MRPS14: variants seen among roughly 807,000 people sequenced by gnomAD.
The protein encoded by MRPS14 is small ribosomal subunit protein uS14m.
MRPS14 carries 14 observed loss-of-function variants against 16.4 expected under a neutral mutation model. The observed-to-expected ratio is 0.85, with a 90% CI of 0.56 to 1.33. MRPS14 has a LOEUF of 1.33. MRPS14 is among the 40% of genes most tolerant of loss of function. The pLI is 0.00. For synonymous variants in MRPS14, 54 were observed against 61.9 expected (o/e 0.87, Z 0.60); for missense variants, 162 against 176.8 (o/e 0.92, Z 0.48).
chr1:175,016,124 G>A (rs1672877999), intron 2 of MRPS14, among the ~76,000 whole-genome samples: 1 of 151,572 alleles, frequency 6.6e-6, no homozygotes, highest in Admixed American at 6.6e-5. Flanking sequence ...TTGAACCCAG[G>A]AGGCAGATGT....
Position 175,014,749 on chromosome 1 carries a change from G to A in MRPS14, c.307C>T (p.Arg103Cys), listed in dbSNP as rs1323041289. ...MTSRPRGVKR[R>C]WRLSRIVFRH... ...AAGACTATACGACTAAGCCTCCAGC[G>A]CCGCTTCACACCACGCGGACGGGAC... is the stretch of plus-strand genomic sequence containing the variant. The change falls in exon 3 of 3, where the codon CGC becomes TGC. Residue 103 changes from arginine (R) to cysteine (C), a missense_variant. By Grantham distance (180) the Arg-to-Cys change is radical. Coordinates refer to ENST00000476371, the MANE Select transcript of MRPS14 (RefSeq NM_022100.3). 5 of 1,614,086 alleles carry A rather than the reference G, an allele frequency of 3.1e-6. No individual in the cohort carries two copies. The highest frequency in any genetic ancestry group is 1.3e-5 in the African/African-American group (1 of 75,016).
intron 1 of MRPS14, among the ~76,000 whole-genome samples, chr1:175,020,627 G>A (rs1313472600): frequency 6.6e-6 from 1 of 152,116 alleles, no homozygotes; most frequent in Non-Finnish European, 1.5e-5. Context: ...TCCTGCCTCA[G>A]CCTCCCGAGT....
chr1:175,019,765 G>A (rs1476568236), intron 1 of MRPS14, among the ~76,000 whole-genome samples: 1 of 152,208 alleles, frequency 6.6e-6, no homozygotes, highest in East Asian at 1.9e-4. Flanking sequence ...GGCAAAGGGA[G>A]TATAGATCAC....
intron 2 of MRPS14, among the ~76,000 whole-genome samples, chr1:175,017,096 C>T (rs562267078): frequency 3.3e-5 from 5 of 152,138 alleles, no homozygotes; most frequent in African/African-American, 1.2e-4. Context: ...GCTCTGTCAC[C>T]TAGGCTGGAG....
Position 175,014,332 on chromosome 1 carries a change from T to TAAA in MRPS14, c.*336_*337insTTT. ...GGATTATGTATAAGATAGCATTTTATGAAATAATGCTCTTAATACAAAAAC... is the reference window on the plus strand; with the variant it reads ...GGATTATGTATAAGATAGCATTTTATAAAGAAATAATGCTCTTAATACAAAAAC... On this transcript the variant is annotated 3_prime_UTR_variant, in exon 3 of 3. Coordinates refer to ENST00000476371, the MANE Select transcript of MRPS14 (RefSeq NM_022100.3). 5.1e-6 allele frequency: 2 copies of TAAA among 392,702 alleles called. No homozygotes were observed. Among genetic ancestry groups the TAAA allele is most frequent in the Non-Finnish European group, 9.0e-6 (2 of 223,016 alleles). The allele number at this position is 392,702 out of a possible 1,614,324, so 24.3% of individuals were successfully genotyped here. A position where few individuals can be genotyped will look rare whatever the true frequency, so the allele number is the denominator to read the frequency against.
intron 1 of MRPS14, among the ~76,000 whole-genome samples, chr1:175,020,367 ACAAGAT>A (rs1177838028): frequency 2.0e-5 from 3 of 152,206 alleles, no homozygotes; most frequent in East Asian, 3.8e-4. Flanking sequence ...GATTTAGAAA[ACAAGAT>A]TAAGCATTTC....
intron 1 of MRPS14, among the ~76,000 whole-genome samples, chr1:175,020,050 T>G (rs910468705): frequency 6.6e-6 from 1 of 152,188 alleles, no homozygotes; most frequent in African/African-American, 2.4e-5. Flanking sequence ...GAAAAAAAGA[T>G]AAGCAGGAAT....
Position 175,023,411 on chromosome 1 carries a change from T to G in MRPS14, c.-3A>C. ...GAGCCCAGCATGAAGGCCGCCATGT[T>G]GTCCGCTACAAACTACAAACCGCTG... On this transcript the variant is annotated 5_prime_UTR_variant, in exon 1 of 3. Coordinates refer to ENST00000476371, the MANE Select transcript of MRPS14 (RefSeq NM_022100.3). 2 of 1,614,140 alleles carry G rather than the reference T, an allele frequency of 1.2e-6. No individual in the cohort carries two copies. The highest frequency in any genetic ancestry group is 1.7e-6 in the Non-Finnish European group (2 of 1,180,016).
At chr1:175,015,706 T>G (rs1672870193) in intron 2 of MRPS14, among the ~76,000 whole-genome samples, 1 of 152,206 alleles carries the variant, frequency 6.6e-6, no homozygotes, top group Non-Finnish European at 1.5e-5. Context: ...TTCTTATGTA[T>G]GTGTTCAAGA....
At chr1:175,023,211 C>A (rs1673012261) in intron 1 of MRPS14, 153 bp downstream of exon 1, 1 of 1,539,364 alleles carries the variant, frequency 6.5e-7, no homozygotes, top group Admixed American at 2.0e-5. Flanking sequence ...GCTCGGACCT[C>A]CCCTGAACCA....
At position 175,023,411 on chromosome 1, in the gene MRPS14, T is replaced by C. The variant is rs752100139; in HGVS notation, c.-3A>G. ...GAGCCCAGCATGAAGGCCGCCATGT[T>C]GTCCGCTACAAACTACAAACCGCTG... On this transcript the variant is annotated 5_prime_UTR_variant, in exon 1 of 3. Transcript: ENST00000476371. 1.9e-6 allele frequency: 3 copies of C among 1,614,140 alleles called. No homozygotes were observed. Among genetic ancestry groups the C allele is most frequent in the African/African-American group, 2.7e-5 (2 of 75,048 alleles).
At chr1:175,023,174 C>A in intron 1 of MRPS14, 190 bp downstream of exon 1, 2 of 1,423,928 alleles carry the variant, frequency 1.4e-6, no homozygotes, top group Non-Finnish European at 9.4e-7. Context: ...TAGTCATATG[C>A]TTACGAAAAC....
chr1:175,023,258 G>A (rs1402118979), intron 1 of MRPS14, 106 bp downstream of exon 1: 27 of 1,561,764 alleles, frequency 1.7e-5, no homozygotes, highest in Non-Finnish European at 2.3e-5. Flanking sequence ...GAGAACCCCT[G>A]GACTGGTCCT....
rs2149413845 is a variant in MRPS14, at chr1:175,014,141, T to C, written c.*528A>G. 1 of 161,202 alleles carries C rather than the reference T, an allele frequency of 6.2e-6. No individual in the cohort carries two copies. The highest frequency in any genetic ancestry group is 1.8e-4 in the East Asian group (1 of 5,542). 10.0% of individuals were successfully genotyped at this position (161,202 alleles called of 1,614,324 possible). On this transcript the variant is annotated 3_prime_UTR_variant, in exon 3 of 3. Transcript: ENST00000476371. Reference sequence around the variant, plus strand: ...TGGACAAGAAAACACTTAGTGGTTCTTTTGTTCAGCCATCACAAGAAGAAG... The same window carrying C: ...TGGACAAGAAAACACTTAGTGGTTCCTTTGTTCAGCCATCACAAGAAGAAG...
chr1:175,022,266 T>C (rs1356115313), intron 1 of MRPS14, among the ~76,000 whole-genome samples: 2 of 152,088 alleles, frequency 1.3e-5, no homozygotes, highest in Non-Finnish European at 2.9e-5. Flanking sequence ...CCTGGTTAAA[T>C]AAAATATTAT....
At chr1:175,018,324 T>C (rs1325858532) in intron 2 of MRPS14, 94 bp downstream of exon 2, 1 of 1,192,066 alleles carries the variant, frequency 8.4e-7, no homozygotes, top group Non-Finnish European at 1.2e-6. Flanking sequence ...CCAGAAATTA[T>C]ATTGATACCA....
rs1210611841 is a variant in MRPS14 at position 175,014,547 on chromosome 1, G to A, written c.*122C>T. 2 of 899,644 alleles carry A rather than the reference G, an allele frequency of 2.2e-6. No homozygotes were observed. Among genetic ancestry groups the A allele is most frequent in the South Asian group, 4.2e-5 (2 of 47,884 alleles). 55.7% of individuals were successfully genotyped at this position (899,644 alleles called of 1,614,324 possible). A position where few individuals can be genotyped will look rare whatever the true frequency, so the allele number is the denominator to read the frequency against. On this transcript the variant is annotated 3_prime_UTR_variant, in exon 3 of 3. Coordinates refer to ENST00000476371, the MANE Select transcript of MRPS14 (RefSeq NM_022100.3). ...AAAAGTAGTTTAGAGATAGCATCAG[G>A]TAGGCCAAACAACTGTACTGGGCCC...
At chr1:175,017,147 C>T (rs755269904) in intron 2 of MRPS14, among the ~76,000 whole-genome samples, 3 of 152,002 alleles carry the variant, frequency 2.0e-5, no homozygotes, top group Non-Finnish European at 2.9e-5. Flanking sequence ...CTCTGCCTCC[C>T]GAGTTCAAGC....
Position 175,013,107 on chromosome 1 carries a change from G to A in MRPS14, c.*1562C>T, listed in dbSNP as rs1178540159. 2.6e-5 allele frequency: 4 copies of A among 152,202 alleles called. No individual in the cohort carries two copies. The highest frequency in any genetic ancestry group is 1.3e-4 in the Admixed American group (2 of 15,268). 9.4% of individuals were successfully genotyped at this position (152,202 alleles called of 1,614,324 possible). On this transcript the variant is annotated 3_prime_UTR_variant, in exon 3 of 3. Coordinates refer to ENST00000476371, the MANE Select transcript of MRPS14 (RefSeq NM_022100.3). ...TTGGTAGTGAGATGGATTCTAAGTT[G>A]AGATATTAGCTAGAACATTCCAGTT...
Sources: allele counts gnomAD v4.1 joint callset (sites outside exome capture counted in the v4.1 genomes callset), GRCh38; gene constraint gnomAD v4.1.1; transcripts MANE v1.5; gene names NCBI Gene and HGNC (gene_info 2026-07-23, HGNC 2026-07-21).